Variants in GPR176 observed in about 807,000 individuals in gnomAD.
The protein encoded by GPR176 is G-protein coupled receptor 176.
GPR176 carries 26 observed loss-of-function variants against 35.4 expected under a neutral mutation model. That is an observed-to-expected ratio of 0.74 (90% CI 0.54 to 1.02). The LOEUF (loss-of-function observed/expected upper bound fraction) is 1.02. Ranked by LOEUF, GPR176 falls within the 50% of genes least tolerant of loss-of-function variation. The pLI is 0.00. For synonymous variants in GPR176, 278 were observed against 271.3 expected (o/e 1.02, Z -0.24); for missense variants, 597 against 665.3 (o/e 0.90, Z 1.13).
chr15:39,838,278 T>C (rs1011452664), intron 1 of GPR176, among the ~76,000 whole-genome samples: 7 of 152,118 alleles, frequency 4.6e-5, no homozygotes, highest in Non-Finnish European at 8.8e-5. Context: ...TCCCTCAAAA[T>C]AAATGCCCCA....
At chr15:39,844,382 T>C (rs1188238138) in intron 1 of GPR176, among the ~76,000 whole-genome samples, 1 of 152,006 alleles carries the variant, frequency 6.6e-6, no homozygotes, top group Non-Finnish European at 1.5e-5. Flanking sequence ...GTAAAATATG[T>C]ATTTATCCTC....
At chr15:39,871,599 C>T (rs1028176190) in intron 1 of GPR176, among the ~76,000 whole-genome samples, 1 of 152,178 alleles carries the variant, frequency 6.6e-6, no homozygotes, top group East Asian at 1.9e-4. Flanking sequence ...TTGCCTTCTT[C>T]GATTGTCACC....
At position 39,897,947 on chromosome 15, in the gene GPR176, C is replaced by T. The variant is rs76114827; in HGVS notation, c.172+21908G>A. On this transcript the variant is annotated intron_variant, in intron 1 of 2. Coordinates refer to ENST00000561100, the MANE Select transcript of GPR176 (RefSeq NM_007223.3). ...ATTAGCTTAGTGATGTGCATGAGGC[C>T]ACTCTCTTAACCAGCAAGTGACCCT... is the stretch of plus-strand genomic sequence containing the variant. Among the ~76,000 whole-genome samples the T allele has an allele frequency of 2.6e-3, 403 of 152,214 alleles. 5 individuals carry two copies. Among genetic ancestry groups the T allele is most frequent in the East Asian group, 0.023 (117 of 5,180 alleles).
At chr15:39,850,946 TAAC>T (rs1238951847) in intron 1 of GPR176, among the ~76,000 whole-genome samples, 1 of 152,058 alleles carries the variant, frequency 6.6e-6, no homozygotes, top group Non-Finnish European at 1.5e-5. Flanking sequence ...ATGCTAGAAC[TAAC>T]ATGCTGGAAG....
At chr15:39,895,114 G>A (rs1278059461) in intron 1 of GPR176, among the ~76,000 whole-genome samples, 1 of 152,204 alleles carries the variant, frequency 6.6e-6, no homozygotes, top group Non-Finnish European at 1.5e-5. Context: ...CAGGTACTCG[G>A]CAGGCTGAGT....
chr15:39,830,504 G>C, intron 1 of GPR176, among the ~76,000 whole-genome samples: 1 of 152,188 alleles, frequency 6.6e-6, no homozygotes, highest in Non-Finnish European at 1.5e-5. Context: ...GACAGGACTG[G>C]AAGAGGGAGC....
intron 1 of GPR176, among the ~76,000 whole-genome samples, chr15:39,904,543 C>T (rs1015945178): frequency 1.3e-5 from 2 of 152,158 alleles, no homozygotes; most frequent in Admixed American, 6.6e-5. Flanking sequence ...GGTGGGGGTG[C>T]TCATCAAAGC....
chr15:39,871,635 C>T (rs942699097), intron 1 of GPR176, among the ~76,000 whole-genome samples: 2 of 152,168 alleles, frequency 1.3e-5, no homozygotes, highest in East Asian at 3.8e-4. Context: ...TGGCCCCTTT[C>T]CTAATACTCT....
intron 1 of GPR176, among the ~76,000 whole-genome samples, chr15:39,895,079 G>A (rs1595514480): frequency 6.6e-6 from 1 of 152,224 alleles, no homozygotes; most frequent in African/African-American, 2.4e-5. Context: ...AACCAGTCAG[G>A]CGTGGCGGCG....
intron 1 of GPR176, among the ~76,000 whole-genome samples, chr15:39,822,540 G>C (rs1198636593): frequency 2.0e-5 from 3 of 152,030 alleles, no homozygotes; most frequent in African/African-American, 7.2e-5. Context: ...GTCATAAAAG[G>C]CATCACAGTA....
At chr15:39,914,073 A>C (rs2033659302) in intron 1 of GPR176, among the ~76,000 whole-genome samples, 1 of 152,036 alleles carries the variant, frequency 6.6e-6, no homozygotes, top group Admixed American at 6.6e-5. Flanking sequence ...ACAAACAAAA[A>C]ACACCACTGA....
chr15:39,835,817 G>T (rs917487230), intron 1 of GPR176, among the ~76,000 whole-genome samples: 15 of 152,194 alleles, frequency 9.9e-5, no homozygotes, highest in Non-Finnish European at 1.2e-4. Flanking sequence ...TTTCAGGCCT[G>T]ACATGGTGGC....
intron 1 of GPR176, among the ~76,000 whole-genome samples, chr15:39,810,013 C>T (rs763160289): frequency 4.6e-5 from 7 of 152,028 alleles, no homozygotes; most frequent in Admixed American, 1.3e-4. Flanking sequence ...AGCGTGGTTG[C>T]GGGCGCCTAT....
At chr15:39,845,844 A>C (rs999988464) in intron 1 of GPR176, among the ~76,000 whole-genome samples, 2 of 152,168 alleles carry the variant, frequency 1.3e-5, no homozygotes, top group Admixed American at 1.3e-4. Flanking sequence ...TGAGGCCTAG[A>C]CCAGTAACTG....
At chr15:39,893,587 T>A (rs1269090895) in intron 1 of GPR176, among the ~76,000 whole-genome samples, 1 of 152,248 alleles carries the variant, frequency 6.6e-6, no homozygotes, top group Non-Finnish European at 1.5e-5. Flanking sequence ...GCCGCCATTG[T>A]CATCCTGGCC....
chr15:39,802,333 G>T, intron 2 of GPR176, 79 bp from the exon 3 acceptor site: 1 of 1,126,400 alleles, frequency 8.9e-7, no homozygotes, highest in Non-Finnish European at 1.3e-6. Flanking sequence ...AAAAGTAGAT[G>T]AGAGGGAAGA....
intron 1 of GPR176, among the ~76,000 whole-genome samples, chr15:39,889,454 G>A (rs1039197132): frequency 1.3e-5 from 2 of 151,970 alleles, no homozygotes; most frequent in African/African-American, 4.8e-5. Flanking sequence ...GAATGAGGCA[G>A]GAGAATCACT....
chr15:39,801,679 G>A lies in GPR176; in HGVS notation c.1001C>T (p.Thr334Ile). ...GTACCGGTGGTGTAGTTGCACCAGG[G>A]TCCCTATCAAGCACTTGCGGACAGA... is the stretch of plus-strand genomic sequence containing the variant. ...NKSVRKCLIGTLVQLHHRYSR... is the reference protein window; with the variant it reads ...NKSVRKCLIGILVQLHHRYSR... Residue 334 changes from threonine to isoleucine, a missense_variant, in exon 3 of 3, where the codon ACC becomes ATC. Transcript: ENST00000561100. 1 of 1,613,492 alleles carries A rather than the reference G, an allele frequency of 6.2e-7. No homozygotes were observed. The highest frequency in any genetic ancestry group is 2.2e-5 in the East Asian group (1 of 44,866).
chr15:39,831,914 C>T (rs536898506), intron 1 of GPR176, among the ~76,000 whole-genome samples: 3 of 151,870 alleles, frequency 2.0e-5, no homozygotes, highest in African/African-American at 7.3e-5. Flanking sequence ...ATCCCAAATC[C>T]CTGGTGCATG....
Sources: gnomAD v4.1 joint callset for allele counts (sites outside exome capture counted in the v4.1 genomes callset) on GRCh38, gnomAD v4.1.1 for gene constraint, MANE v1.5 for transcripts, NCBI Gene and HGNC (gene_info 2026-07-23, HGNC 2026-07-21) for gene names.